NLRP1: variants seen among roughly 807,000 people sequenced by gnomAD.
The protein encoded by NLRP1 is NLR family pyrin domain containing 1.
Under a neutral mutation model 136.7 loss-of-function variants are expected in NLRP1, and 94 were observed. The ratio of observed to expected loss-of-function variants is 0.69; its 90% confidence interval spans 0.58 to 0.82. The LOEUF is 0.82. NLRP1 is among the 40% of genes least tolerant of loss of function. The probability of loss-of-function intolerance (pLI) is 0.00; values close to 1 mark genes in which losing one functional copy is unlikely to be tolerated. For synonymous variants in NLRP1, 690 were observed against 725.1 expected, an observed-to-expected ratio of 0.95 and a Z score of 0.78; for missense variants, 1,575 against 1,802.7, an observed-to-expected ratio of 0.87 and a Z score of 2.29.
chr17:5,541,844 C>T lies in NLRP1; in HGVS notation c.2699+13G>A, dbSNP rs748022955. 1.9e-6 allele frequency: 3 copies of T among 1,613,298 alleles called. No homozygotes were observed. The South Asian group carries it at 3.3e-5, about 18-fold the overall frequency. ...GTTCCCTCCACCTCCCCCTGCCCACCAAGAACAATTACTGCAGTCGCTGTA... is the reference window on the plus strand; with the variant it reads ...GTTCCCTCCACCTCCCCCTGCCCACTAAGAACAATTACTGCAGTCGCTGTA... On this transcript the variant is annotated intron_variant, in intron 6 of 16. Transcript: ENST00000572272. The surrounding 1 kb of genome is among the most constrained non-coding windows in gnomAD (Gnocchi z 4.2).
In NLRP1 at chr17:5,530,675, C is replaced by A; in HGVS notation, c.3326G>T (p.Arg1109Leu). 1 of 1,614,086 alleles carries A rather than the reference C, an allele frequency of 6.2e-7. No homozygotes were observed. Among genetic ancestry groups the A allele is most frequent in the South Asian group, 1.1e-5 (1 of 91,078 alleles). ...AAAGCAGAGACCCGTGTTGGGCCAG[C>A]GGTAGGAGCCAGCTACAGGGAAGTG... The part of the protein sequence containing the change: ...RVHFPVAGSY[R>L]WPNTGLCFVM... Residue 1109 changes from arginine to leucine, a missense_variant, in exon 12 of 17, where the codon CGC (arginine) becomes CTC (leucine). Arg to Leu is a moderately radical substitution (Grantham distance 102, BLOSUM62 -2). Transcript: ENST00000572272.
intron 8 of NLRP1, 40 bp downstream of exon 8, chr17:5,536,811 G>C (rs201246906): frequency 6.9e-7 from 1 of 1,446,308 alleles, no homozygotes; most frequent in African/African-American, 1.4e-5. Context: ...CTCAGCCCTG[G>C]GCCTGGGTCA....
At chr17:5,577,966 AC>A (rs1905188363) in intron 3 of NLRP1, among the ~76,000 whole-genome samples, 1 of 152,094 alleles carries the variant, frequency 6.6e-6, no homozygotes, top group Admixed American at 6.6e-5. Flanking sequence ...CACATCTACA[AC>A]CATCTGATCT....
intron 7 of NLRP1, 146 bp downstream of exon 7, chr17:5,539,269 G>A: frequency 1.5e-6 from 1 of 646,812 alleles, no homozygotes; most frequent in Non-Finnish European, 2.5e-6. Context: ...AGAGAATTCA[G>A]CGACTTGTCC....
intron 14 of NLRP1, among the ~76,000 whole-genome samples, chr17:5,520,136 G>A (rs568034433): frequency 1.6e-4 from 24 of 152,170 alleles, no homozygotes; most frequent in African/African-American, 5.5e-4. Context: ...GATTACAGGC[G>A]TGAGCCACCG....
At chr17:5,562,038 C>T (rs1005515161) in intron 3 of NLRP1, among the ~76,000 whole-genome samples, 3 of 152,156 alleles carry the variant, frequency 2.0e-5, no homozygotes, top group Middle Eastern at 3.4e-3. Flanking sequence ...TGTCTGAATC[C>T]GGCTGAGGGG....
At chr17:5,556,408 T>G (rs12150177) in intron 4 of NLRP1, among the ~76,000 whole-genome samples, 9,827 of 150,516 alleles carry the variant, frequency 0.065, 415 homozygotes, top group African/African-American at 0.11. Flanking sequence ...GAGCTGTGAT[T>G]GCACCACTGC....
chr17:5,556,074 C>T (rs1246698043), intron 4 of NLRP1, among the ~76,000 whole-genome samples: 1 of 148,634 alleles, frequency 6.7e-6, no homozygotes, highest in East Asian at 2.1e-4. Flanking sequence ...AGCCTGGTGA[C>T]AGAGCAAGAC....
chr17:5,583,602 G>A lies in NLRP1; in HGVS notation c.271+85C>T. The A allele has an allele frequency of 7.4e-7, 1 of 1,359,518 alleles. No individual in the cohort carries two copies. The highest frequency in any genetic ancestry group is 1.0e-6 in the Non-Finnish European group (1 of 1,002,610). 84.2% of individuals were successfully genotyped at this position (1,359,518 alleles called of 1,614,324 possible). On this transcript the variant is annotated intron_variant, in intron 1 of 16. Coordinates refer to ENST00000572272, the MANE Select transcript of NLRP1 (RefSeq NM_033004.4). The surrounding 1 kb of genome is among the most constrained non-coding windows in gnomAD (Gnocchi z 4.5). ...CTCAGAGGAAGGCCTGGCAGGGAGGGCTCAGTGGTGGGGTCCCAAGAGGGC... is the reference window on the plus strand; with the variant it reads ...CTCAGAGGAAGGCCTGGCAGGGAGGACTCAGTGGTGGGGTCCCAAGAGGGC...
chr17:5,549,277 G>GTT (rs71370070), intron 5 of NLRP1, among the ~76,000 whole-genome samples: 14 of 143,708 alleles, frequency 9.7e-5, no homozygotes, highest in East Asian at 2.0e-4. Context: ...GAAATCATTA[G>GTT]TTTTTTTTTT....
chr17:5,538,924 A>G (rs965298531), intron 7 of NLRP1, among the ~76,000 whole-genome samples: 3 of 152,168 alleles, frequency 2.0e-5, no homozygotes, highest in Non-Finnish European at 4.4e-5. Context: ...TCTGTTGCCC[A>G]GGATGGAGTG....
intron 3 of NLRP1, among the ~76,000 whole-genome samples, chr17:5,571,044 TTGA>T (rs1458378544): frequency 1.3e-5 from 2 of 152,134 alleles, no homozygotes; most frequent in Non-Finnish European, 2.9e-5. Context: ...GAAAAAGCAT[TTGA>T]TAAAATTCAA....
rs1427571381 is a variant in NLRP1, at chr17:5,539,554, A to G, written c.2731T>C (p.Cys911Arg). The change falls in exon 7 of 17, where the codon TGC (cysteine) becomes CGC (arginine). Residue 911 changes from cysteine (C) to arginine (R), a missense_variant. By Grantham distance (180) the Cys-to-Arg change is radical. Transcript: ENST00000572272. ...CTAAGCACAGAGGCCAGGTCCTGGCAGCAGTCAGACGTGAGGCCACAGCTG... is the reference window on the plus strand; with the variant it reads ...CTAAGCACAGAGGCCAGGTCCTGGCGGCAGTCAGACGTGAGGCCACAGCTG... ...LVSCGLTSDC[C>R]QDLASVLSAS... The G allele has an allele frequency of 6.2e-7, 1 of 1,613,414 alleles. No homozygotes were observed. The highest frequency in any genetic ancestry group is 1.3e-5 in the African/African-American group (1 of 75,036).
At chr17:5,522,758 T>C (rs1358737015) in intron 12 of NLRP1, among the ~76,000 whole-genome samples, 1 of 152,090 alleles carries the variant, frequency 6.6e-6, no homozygotes, top group Non-Finnish European at 1.5e-5. Flanking sequence ...GGGAAAGATA[T>C]AGAACCTCTA....
rs1911801742 is a variant in NLRP1, at chr17:5,541,021, G to C, written c.2699+836C>G. 6.6e-6 allele frequency among the ~76,000 whole-genome samples: 1 copy of C among 152,156 alleles called. No homozygotes were observed. The highest frequency in any genetic ancestry group is 6.5e-5 in the Admixed American group (1 of 15,280). The stretch of plus-strand genomic sequence containing the variant: ...AGGGAGGAGGCCCAGCAGGACCAGG[G>C]AGAGGTAACTATGCACTCTTGTTTC... On this transcript the variant is annotated intron_variant, in intron 6 of 16. Transcript: ENST00000572272. The surrounding 1 kb of genome is among the most constrained non-coding windows in gnomAD (Gnocchi z 4.2).
chr17:5,541,133 C>A lies in NLRP1; in HGVS notation c.2699+724G>T, dbSNP rs1211270367. 6.6e-6 allele frequency among the ~76,000 whole-genome samples: 1 copy of A among 152,116 alleles called. No individual in the cohort carries two copies. Among genetic ancestry groups the A allele is most frequent in the African/African-American group, 2.4e-5 (1 of 41,410 alleles). On this transcript the variant is annotated intron_variant, in intron 6 of 16. Coordinates refer to ENST00000572272, the MANE Select transcript of NLRP1 (RefSeq NM_033004.4). This position sits in a 1 kb window ranked among gnomAD's most constrained non-coding sequence, Gnocchi z 4.2. ...GATTTCAGCTCACTGCAATGCCTAC[C>A]TTCTGTGTTCAAGCAATTCTCCTGC...
chr17:5,540,710 A>G (rs958621982), intron 6 of NLRP1, among the ~76,000 whole-genome samples: 12 of 152,208 alleles, frequency 7.9e-5, no homozygotes, highest in Admixed American at 2.0e-4. Flanking sequence ...CTAGCCGACC[A>G]GGGATCGCCG....
chr17:5,529,882 G>A (rs1910023060), intron 12 of NLRP1: 2 of 421,880 alleles, frequency 4.7e-6, no homozygotes. Flanking sequence ...TACTTCTGGT[G>A]CCTTGTTTCC....
chr17:5,531,764 C>A (rs999402176), intron 11 of NLRP1, among the ~76,000 whole-genome samples: 13 of 152,114 alleles, frequency 8.5e-5, no homozygotes, highest in Non-Finnish European at 1.2e-4. Context: ...ACTACTAGTG[C>A]GACTGTAAGC....
Sources: gnomAD v4.1 joint callset for allele counts (sites outside exome capture counted in the v4.1 genomes callset) on GRCh38, gnomAD v4.1.1 for gene constraint, Gnocchi (gnomAD v3.1) non-coding constraint, MANE v1.5 for transcripts, NCBI Gene and HGNC (gene_info 2026-07-23, HGNC 2026-07-21) for gene names.